The following NUP62CL variants were observed in gnomAD, a reference collection of about 807,000 sequenced individuals.
The protein encoded by NUP62CL is nucleoporin 62 C-terminal like.
Under a neutral mutation model 15.3 loss-of-function variants are expected in NUP62CL, and 13 were observed. That is an observed-to-expected ratio of 0.85 (90% CI 0.55 to 1.35). The LOEUF is 1.35. NUP62CL is among the 40% of genes most tolerant of loss of function. The pLI, the probability that NUP62CL is intolerant of heterozygous loss-of-function variation, is 0.00. For synonymous variants in NUP62CL, 54 were observed against 49.2 expected (o/e 1.10, Z -0.41); for missense variants, 123 against 130.6 (o/e 0.94, Z 0.28).
intron 8 of NUP62CL, among the ~76,000 whole-genome samples, chrX:107,146,118 G>T (rs539874089): frequency 8.9e-6 from 1 of 111,877 alleles, no homozygotes; most frequent in East Asian, 2.8e-4. Flanking sequence ...TACTATTGGA[G>T]AGGCTAAGTT....
chrX:107,124,795 C>T (rs1472030955), intron 8 of NUP62CL, among the ~76,000 whole-genome samples: 1 of 111,373 alleles, frequency 9.0e-6, no homozygotes, highest in Non-Finnish European at 1.9e-5. Context: ...CAGAGTACCA[C>T]AGAATACCAT....
chrX:107,137,510 A>C (rs1304745087), intron 8 of NUP62CL, among the ~76,000 whole-genome samples: 1 of 112,057 alleles, frequency 8.9e-6, no homozygotes, highest in East Asian at 2.8e-4. Context: ...ACACAAAAAA[A>C]CCGCCTAGAA....
chrX:107,139,474 A>G (rs953187604), intron 8 of NUP62CL, among the ~76,000 whole-genome samples: 1 of 112,049 alleles, frequency 8.9e-6, no homozygotes, highest in African/African-American at 3.2e-5. Context: ...AACTACCTCA[A>G]TAGAAACTTC....
At chrX:107,160,311 C>T (rs771952774) in intron 4 of NUP62CL, among the ~76,000 whole-genome samples, 6 of 105,852 alleles carry the variant, frequency 5.7e-5, no homozygotes, top group Admixed American at 3.1e-4. Flanking sequence ...CAAAAAAGAG[C>T]CCGCATCACC....
intron 1 of NUP62CL, among the ~76,000 whole-genome samples, chrX:107,200,326 T>C (rs1012380600): frequency 1.8e-5 from 2 of 111,380 alleles, no homozygotes; most frequent in African/African-American, 6.5e-5. Context: ...GTGATATTGC[T>C]GAAGACTGTT....
intron 3 of NUP62CL, among the ~76,000 whole-genome samples, chrX:107,170,773 A>G (rs181628661): frequency 2.8e-4 from 31 of 112,247 alleles, no homozygotes; most frequent in African/African-American, 9.4e-4. Context: ...AAAGGCATAA[A>G]TTAACTCTGG....
chrX:107,143,953 A>G (rs1373788777), intron 8 of NUP62CL, among the ~76,000 whole-genome samples: 1 of 111,933 alleles, frequency 8.9e-6, no homozygotes, highest in African/African-American at 3.2e-5. Context: ...GATATGAAAA[A>G]GAAAGTCTCC....
intron 2 of NUP62CL, among the ~76,000 whole-genome samples, chrX:107,176,151 T>C (rs917243609): frequency 1.8e-5 from 2 of 111,499 alleles, no homozygotes; most frequent in East Asian, 5.6e-4. Flanking sequence ...TAACTGACTT[T>C]ATTTGAAACA....
intron 4 of NUP62CL, among the ~76,000 whole-genome samples, chrX:107,157,124 G>T (rs1464936794): frequency 1.7e-4 from 19 of 110,467 alleles, no homozygotes; most frequent in East Asian, 1.1e-3. Flanking sequence ...AATGTGGGAC[G>T]ATGTGAAAAG....
intron 1 of NUP62CL, among the ~76,000 whole-genome samples, chrX:107,205,533 A>G (rs1018688696): frequency 1.8e-5 from 2 of 111,193 alleles, no homozygotes; most frequent in African/African-American, 3.3e-5. Flanking sequence ...TAAGAAATGC[A>G]TGGTATATAG....
intron 5 of NUP62CL, among the ~76,000 whole-genome samples, chrX:107,153,813 C>T (rs942736932): frequency 9.0e-6 from 1 of 110,804 alleles, no homozygotes; most frequent in African/African-American, 3.3e-5. Context: ...ACTGAAAAAA[C>T]ACACACACAG....
chrX:107,145,608 A>C (rs1345784132), intron 8 of NUP62CL, among the ~76,000 whole-genome samples: 1 of 111,621 alleles, frequency 9.0e-6, no homozygotes, highest in Non-Finnish European at 1.9e-5. Context: ...GAATCTTCTA[A>C]GAATAAGGAT....
chrX:107,197,125 G>T (rs1927376155), intron 1 of NUP62CL, among the ~76,000 whole-genome samples: 1 of 111,170 alleles, frequency 9.0e-6, no homozygotes, highest in Non-Finnish European at 1.9e-5. Context: ...TTTTTTATTT[G>T]CCAGGCTCTA....
At chrX:107,153,418 C>A in intron 6 of NUP62CL, 36 bp downstream of exon 6, 1 of 1,122,629 alleles carries the variant, frequency 8.9e-7, no homozygotes, top group Non-Finnish European at 1.2e-6. Context: ...AAAGATAGGT[C>A]TTTAATCTTT....
chrX:107,198,555 C>T (rs192150898), intron 1 of NUP62CL, among the ~76,000 whole-genome samples: 9 of 111,865 alleles, frequency 8.0e-5, no homozygotes, highest in African/African-American at 1.9e-4. Flanking sequence ...AGTGAGACCA[C>T]GAACCCATCG....
chrX:107,132,941 C>T (rs1431436039), intron 8 of NUP62CL, among the ~76,000 whole-genome samples: 3 of 111,917 alleles, frequency 2.7e-5, no homozygotes, highest in Non-Finnish European at 5.6e-5. Context: ...AGTGTGACAA[C>T]GGGTCTTACC....
intron 7 of NUP62CL, among the ~76,000 whole-genome samples, chrX:107,150,236 A>G (rs745379134): frequency 8.9e-6 from 1 of 112,462 alleles, no homozygotes; most frequent in East Asian, 2.8e-4. Flanking sequence ...TGTAAAAAGA[A>G]GAATGAACTG....
In NUP62CL at chrX:107,152,099, G is replaced by GATATATATATATATTCAGAT. The variant is rs1569357086; in HGVS notation, c.530+1053_530+1072dup. ...ATTCAGATATATATATATATATTCA[G>GATATATATATATATTCAGAT]ATATATATATATATTCAGATATATA... On this transcript the variant is annotated intron_variant, in intron 7 of 8. Transcript: ENST00000372466. Among the ~76,000 whole-genome samples, 10 of 38,835 alleles carry GATATATATATATATTCAGAT rather than the reference G, an allele frequency of 2.6e-4. 1 individual carries two copies. Among genetic ancestry groups the GATATATATATATATTCAGAT allele is most frequent in the African/African-American group, 1.3e-3 (8 of 6,286 alleles). 33.7% of individuals were successfully genotyped at this position (38,835 alleles called of 115,157 possible). A position where few individuals can be genotyped will look rare whatever the true frequency, so the allele number is the denominator to read the frequency against.
intron 1 of NUP62CL, chrX:107,202,625 A>G (rs1167401172): frequency 9.4e-6 from 1 of 106,654 alleles, no homozygotes; most frequent in Non-Finnish European, 1.9e-5. Context: ...ATTAATCACA[A>G]CCAGTTACAG....
Sources: allele counts gnomAD v4.1 joint callset (sites outside exome capture counted in the v4.1 genomes callset), GRCh38; gene constraint gnomAD v4.1.1; transcripts MANE v1.5; gene names NCBI Gene and HGNC (gene_info 2026-07-23, HGNC 2026-07-21).